HMGCLL1: variants seen among roughly 807,000 people sequenced by gnomAD.
HMGCLL1 encodes the protein 3-hydroxy-3-methylglutaryl-CoA lyase like 1.
In HMGCLL1, 36 loss-of-function variants were observed where a neutral mutation model predicts 39.1. That is an observed-to-expected ratio of 0.92 (90% CI 0.71 to 1.22). The LOEUF (loss-of-function observed/expected upper bound fraction) is 1.22. Among genes scored for constraint, HMGCLL1 ranks in the 50% most tolerant of loss-of-function variants. HMGCLL1 has a pLI of 0.00. For synonymous variants in HMGCLL1, 149 were observed against 144.0 expected, an observed-to-expected ratio of 1.03 and a Z score of -0.25; for missense variants, 451 against 416.5, an observed-to-expected ratio of 1.08 and a Z score of -0.72.
At chr6:55,574,664 G>A (rs1327209446) in intron 1 of HMGCLL1, among the ~76,000 whole-genome samples, 6 of 151,916 alleles carry the variant, frequency 3.9e-5, no homozygotes, top group African/African-American at 1.4e-4. Flanking sequence ...ACAGTATGAT[G>A]GCAGTTTGGT....
chr6:55,669,972 A>G, the HMGCLL1 span, among the ~76,000 whole-genome samples: 2 of 151,874 alleles, frequency 1.3e-5, no homozygotes, highest in African/African-American at 4.8e-5. Context: ...ATTTGGTGGA[A>G]AACATATGAC....
intron 3 of HMGCLL1, among the ~76,000 whole-genome samples, chr6:55,530,314 A>G (rs1768589643): frequency 6.6e-6 from 1 of 152,248 alleles, no homozygotes; most frequent in African/African-American, 2.4e-5. Context: ...ATTATAACCT[A>G]TAAGTTTTTG....
chr6:55,571,904 C>T (rs1581964466), intron 1 of HMGCLL1, among the ~76,000 whole-genome samples: 1 of 152,008 alleles, frequency 6.6e-6, no homozygotes, highest in Non-Finnish European at 1.5e-5. Context: ...GCTTATAAGA[C>T]ATACATTTAA....
intron 1 of HMGCLL1, among the ~76,000 whole-genome samples, chr6:55,558,968 C>G (rs1770806472): frequency 6.6e-6 from 1 of 152,064 alleles, no homozygotes. Context: ...CCCAAGGTAG[C>G]CATTTTGGGA....
intron 7 of HMGCLL1, among the ~76,000 whole-genome samples, chr6:55,472,009 A>T (rs561496462): frequency 1.3e-5 from 2 of 151,866 alleles, no homozygotes; most frequent in African/African-American, 4.8e-5. Context: ...TTTCATTCTC[A>T]TAAGTGATAC....
intron 7 of HMGCLL1, among the ~76,000 whole-genome samples, chr6:55,475,204 G>T (rs1375297345): frequency 6.6e-6 from 1 of 151,484 alleles, no homozygotes; most frequent in Non-Finnish European, 1.5e-5. Context: ...ATTGAGAATA[G>T]GCCTTTGTAA....
At chr6:55,655,527 GT>G in the HMGCLL1 span, among the ~76,000 whole-genome samples, 1 of 135,856 alleles carries the variant, frequency 7.4e-6, no homozygotes, top group South Asian at 2.5e-4. Flanking sequence ...TAGGTAGGTA[GT>G]TATATTGGTA....
chr6:55,507,455 T>C (rs976430135), intron 5 of HMGCLL1, among the ~76,000 whole-genome samples: 6 of 151,076 alleles, frequency 4.0e-5, no homozygotes, highest in African/African-American at 9.7e-5. Flanking sequence ...TCTGAATATG[T>C]TCCCAATGAT....
the HMGCLL1 span, among the ~76,000 whole-genome samples, chr6:55,651,365 T>C: frequency 6.6e-6 from 1 of 152,104 alleles, no homozygotes; most frequent in African/African-American, 2.4e-5. Flanking sequence ...CAAGCCTGTG[T>C]CTAGAAATGT....
At chr6:55,641,154 A>G in the HMGCLL1 span, among the ~76,000 whole-genome samples, 3 of 151,794 alleles carry the variant, frequency 2.0e-5, no homozygotes, top group African/African-American at 7.2e-5. Flanking sequence ...AAAAAAAAAC[A>G]GTAACAAAAA....
intron 7 of HMGCLL1, among the ~76,000 whole-genome samples, chr6:55,455,318 T>C (rs1455520370): frequency 6.6e-6 from 1 of 152,066 alleles, no homozygotes; most frequent in African/African-American, 2.4e-5. Flanking sequence ...TTTTAAAGCA[T>C]TGGGTACATC....
chr6:55,445,998 G>T (rs370248391), intron 7 of HMGCLL1, among the ~76,000 whole-genome samples: 1 of 151,848 alleles, frequency 6.6e-6, no homozygotes, highest in East Asian at 1.9e-4. Context: ...TGAAAATGTG[G>T]TTCAATATAT....
the HMGCLL1 span, among the ~76,000 whole-genome samples, chr6:55,642,233 C>T: frequency 1.6e-4 from 24 of 147,770 alleles, no homozygotes; most frequent in South Asian, 8.8e-4. Context: ...ACAAAGGACA[C>T]GAACTCATCA....
chr6:55,510,196 G>A (rs1252046574), intron 5 of HMGCLL1, among the ~76,000 whole-genome samples: 1 of 151,872 alleles, frequency 6.6e-6, no homozygotes, highest in Non-Finnish European at 1.5e-5. Context: ...ACTTTCAGAA[G>A]GTTAATCACG....
intron 3 of HMGCLL1, among the ~76,000 whole-genome samples, chr6:55,518,820 C>T (rs1767884709): frequency 1.3e-5 from 2 of 152,126 alleles, no homozygotes; most frequent in South Asian, 2.1e-4. Flanking sequence ...AGCTGAGGCC[C>T]TAGACACTGA....
chr6:55,575,681 C>T (rs1463141381), intron 1 of HMGCLL1, among the ~76,000 whole-genome samples: 1 of 152,176 alleles, frequency 6.6e-6, no homozygotes, highest in Non-Finnish European at 1.5e-5. Context: ...ATTAGTTAAG[C>T]TCTCTGCTGT....
chr6:55,536,582 C>T (rs1318281014), intron 3 of HMGCLL1, among the ~76,000 whole-genome samples: 2 of 152,162 alleles, frequency 1.3e-5, no homozygotes, highest in Non-Finnish European at 2.9e-5. Context: ...CTTTCTGCTG[C>T]TATTGTTCAT....
intron 5 of HMGCLL1, chr6:55,512,179 T>C (rs1767498375): frequency 6.6e-6 from 1 of 152,154 alleles, no homozygotes; most frequent in African/African-American, 2.4e-5. Flanking sequence ...TATATTTGCA[T>C]CCATCTTTCA....
rs1346361494 is a variant in HMGCLL1, at chr6:55,514,150, T to G, written c.440A>C (p.Glu147Ala). ...TEISVFGAAS[E>A]SFSKKNINCS... ...GTTAATATTCTTCTTGCTAAAGGAT[T>G]CAGATGCAGCTCCAAAAACTGATAT... Residue 147 changes from glutamate to alanine, a missense_variant, in exon 5 of 9, where the codon GAA becomes GCA. Coordinates refer to ENST00000274901, the MANE Select transcript of HMGCLL1 (RefSeq NM_001042406.2). 7 of 1,612,118 alleles carry G rather than the reference T, an allele frequency of 4.3e-6. No homozygotes were observed.
Sources: allele counts gnomAD v4.1 joint callset (sites outside exome capture counted in the v4.1 genomes callset), GRCh38; gene constraint gnomAD v4.1.1; transcripts MANE v1.5; gene names NCBI Gene and HGNC (gene_info 2026-07-23, HGNC 2026-07-21).